Variants in TGFBR3 observed in about 807,000 individuals in gnomAD.
TGFBR3 encodes the protein transforming growth factor beta receptor 3.
Under a neutral mutation model 87.9 loss-of-function variants are expected in TGFBR3, and 46 were observed. The observed-to-expected ratio is 0.52, with a 90% CI of 0.41 to 0.67. The LOEUF (loss-of-function observed/expected upper bound fraction) is 0.67, where lower values mean the gene tolerates loss of function less well. Ranked by LOEUF, TGFBR3 falls within the 30% of genes least tolerant of loss-of-function variation. The pLI is 0.00. For synonymous variants in TGFBR3, 381 were observed against 391.6 expected (o/e 0.97, Z 0.32); for missense variants, 866 against 1,041.9 (o/e 0.83, Z 2.32).
chr1:91,700,676 A>G (rs191231298), intron 14 of TGFBR3, among the ~76,000 whole-genome samples: 22 of 152,306 alleles, frequency 1.4e-4, no homozygotes, highest in Admixed American at 1.1e-3. Context: ...CAGAACACAC[A>G]CTAATTACGC....
rs1671404577 is a variant in TGFBR3 at position 91,695,519 on chromosome 1, G to C, written c.2437+153C>G. On this transcript the variant is annotated intron_variant, in intron 16 of 16. Transcript: ENST00000212355. ...ACTGTTTATGGCAAATTATACTTTT[G>C]TGAAACCCAATTTATACCAAATATG... 6 of 741,626 alleles carry C rather than the reference G, an allele frequency of 8.1e-6. No homozygotes were observed. The South Asian group carries it at 9.5e-5, about 12-fold the overall frequency. The allele number at this position is 741,626 out of a possible 1,614,324, so 45.9% of individuals were successfully genotyped here. A position where few individuals can be genotyped will look rare whatever the true frequency, so the allele number is the denominator to read the frequency against.
In TGFBR3 at chr1:91,785,239, T is replaced by C. The variant is rs114741111; in HGVS notation, c.246+12048A>G. On this transcript the variant is annotated intron_variant, in intron 3 of 16. Transcript: ENST00000212355. ...AGAAGCTAGACACAAAAGATACATA[T>C]TGCATGATCCCATTCATATGAATGT... 1.0e-2 allele frequency among the ~76,000 whole-genome samples: 1,522 copies of C among 152,288 alleles called. 24 individuals are homozygous for C. Among genetic ancestry groups the C allele is most frequent in the African/African-American group, 0.033 (1,360 of 41,554 alleles).
At chr1:91,721,108 T>C (rs1273305625) in intron 8 of TGFBR3, among the ~76,000 whole-genome samples, 1 of 152,206 alleles carries the variant, frequency 6.6e-6, no homozygotes. Flanking sequence ...TCCATCTCAG[T>C]GGAAGCTGGA....
At chr1:91,778,249 GAGGGTTTCTTTA>G (rs1347895214) in intron 3 of TGFBR3, among the ~76,000 whole-genome samples, 1 of 151,602 alleles carries the variant, frequency 6.6e-6, no homozygotes, top group Non-Finnish European at 1.5e-5. Flanking sequence ...ACTGAATGCT[GAGGGTTTCTTTA>G]AGGATATTTT....
At chr1:91,748,722 GTATTATTATTA>G (rs1216352918) in intron 4 of TGFBR3, among the ~76,000 whole-genome samples, 3 of 148,602 alleles carry the variant, frequency 2.0e-5, no homozygotes, top group African/African-American at 5.0e-5. Flanking sequence ...ATTCTGGAAA[GTATTATTATTA>G]TTATTATTAT....
At chr1:91,818,755 C>T (rs1272506555) in intron 2 of TGFBR3, among the ~76,000 whole-genome samples, 2 of 152,184 alleles carry the variant, frequency 1.3e-5, no homozygotes, top group Admixed American at 1.3e-4. Flanking sequence ...CATCCTGCAT[C>T]ACCACACACT....
rs906414274 is a variant in TGFBR3 at position 91,680,641 on chromosome 1, C to T, written c.*3098G>A. 1.1e-5 allele frequency: 5 copies of T among 453,846 alleles called. No individual in the cohort carries two copies. The highest frequency in any genetic ancestry group is 4.0e-5 in the African/African-American group (2 of 49,940). The allele number at this position is 453,846 out of a possible 1,614,324, so 28.1% of individuals were successfully genotyped here. A position where few individuals can be genotyped will look rare whatever the true frequency, so the allele number is the denominator to read the frequency against. On this transcript the variant is annotated 3_prime_UTR_variant, in exon 17 of 17. Coordinates refer to ENST00000212355, the MANE Select transcript of TGFBR3 (RefSeq NM_003243.5). ...AAACATCTGTCAGTTTCATGAACAA[C>T]CCCCAGATAAAACAAACATGAAAAA...
At chr1:91,860,019 C>G (rs1678117804) in intron 2 of TGFBR3, among the ~76,000 whole-genome samples, 2 of 152,140 alleles carry the variant, frequency 1.3e-5, no homozygotes, top group Admixed American at 1.3e-4. Flanking sequence ...GCACACAACC[C>G]CAGATCTGAG....
chr1:91,746,634 A>G (rs1200730206), intron 4 of TGFBR3, among the ~76,000 whole-genome samples: 1 of 152,086 alleles, frequency 6.6e-6, no homozygotes, highest in African/African-American at 2.4e-5. Flanking sequence ...TTTTCTTCTA[A>G]GTTACATCCA....
chr1:91,713,067 C>T (rs1431142809), intron 12 of TGFBR3, among the ~76,000 whole-genome samples: 2 of 152,158 alleles, frequency 1.3e-5, no homozygotes, highest in East Asian at 1.9e-4. Context: ...CCTGCTTCAT[C>T]GGCGAGAAGG....
Position 91,891,621 on chromosome 1 carries a change from T to A in TGFBR3, c.-114+8016A>T, listed in dbSNP as rs1299889067. ...ATAGATTCCTTTCACTAATTTAAAGTTTGTCTAATACAGCCAACAGCTTGG... is the reference window on the plus strand; with the variant it reads ...ATAGATTCCTTTCACTAATTTAAAGATTGTCTAATACAGCCAACAGCTTGG... On this transcript the variant is annotated intron_variant, in intron 2 of 17. Transcript: ENST00000370399. Among the ~76,000 whole-genome samples the A allele has an allele frequency of 1.4e-4, 22 of 152,162 alleles. 1 individual carries two copies. The highest frequency in any genetic ancestry group is 1.4e-3 in the Admixed American group (22 of 15,272).
At position 91,695,753 on chromosome 1, in the gene TGFBR3, T is replaced by C. The variant is rs1671415645; in HGVS notation, c.2356A>G (p.Thr786Ala). 4 of 1,613,982 alleles carry C rather than the reference T, an allele frequency of 2.5e-6. No homozygotes were observed. The highest frequency in any genetic ancestry group is 3.3e-5 in the Admixed American group (2 of 59,994). The change falls in exon 16 of 17, where the codon ACC (threonine) becomes GCC (alanine). Residue 786 changes from threonine to alanine, a missense_variant. Transcript: ENST00000212355. The stretch of plus-strand genomic sequence containing the variant: ...GCTGCAAACGCAATGCCCATCACGG[T>C]TAGGGTGTCCAGACCATGGAAAATT... Reference protein sequence around the residue: ...PPIFHGLDTLTVMGIAFAAFV... With the variant: ...PPIFHGLDTLAVMGIAFAAFV...
chr1:91,783,012 A>G (rs1674831424), intron 3 of TGFBR3, among the ~76,000 whole-genome samples: 1 of 152,234 alleles, frequency 6.6e-6, no homozygotes. Flanking sequence ...AATGGATCAG[A>G]TGTGTGTACA....
At chr1:91,797,156 A>T in intron 3 of TGFBR3, 131 bp downstream of exon 3, 1 of 1,044,178 alleles carries the variant, frequency 9.6e-7, no homozygotes, top group African/African-American at 1.6e-5. Flanking sequence ...CTGGTATTTT[A>T]AATCTGTTCT....
intron 2 of TGFBR3, among the ~76,000 whole-genome samples, chr1:91,836,228 C>T (rs1349707513): frequency 6.6e-6 from 1 of 152,006 alleles, no homozygotes; most frequent in African/African-American, 2.4e-5. Context: ...GCCTGGGCAA[C>T]AAGAGCAAAA....
rs755397132 is a variant in TGFBR3 at position 91,708,759 on chromosome 1, T to G, written c.2191A>C (p.Thr731Pro). The change falls in exon 14 of 17, where the codon ACC becomes CCC. Residue 731 changes from threonine (T) to proline (P), a missense_variant. Coordinates refer to ENST00000212355, the MANE Select transcript of TGFBR3 (RefSeq NM_003243.5). ...PKCVPPDEACTSLDASIIWAM... is the reference protein window; with the variant it reads ...PKCVPPDEACPSLDASIIWAM... ...CAGATTATCGAGGCGTCCAGCGAGG[T>G]GCAGGCTTCGTCAGGAGGCACACAC... The G allele has an allele frequency of 6.2e-7, 1 of 1,613,974 alleles. No individual in the cohort carries two copies. The highest frequency in any genetic ancestry group is 1.1e-5 in the South Asian group (1 of 91,082).
intron 1 of TGFBR3, among the ~76,000 whole-genome samples, chr1:91,904,757 G>T (rs1350736396): frequency 7.2e-5 from 11 of 152,084 alleles, no homozygotes; most frequent in Admixed American, 2.6e-4. Context: ...GTAGAGACAG[G>T]GTTTTGTCAT....
rs2229500 is a variant in TGFBR3 at position 91,719,965 on chromosome 1, G to A, written c.1341C>T (p.Ser447=). The change falls in exon 9 of 17, where the codon AGC becomes AGT. Residue 447 remains serine, a synonymous_variant. Transcript: ENST00000212355. ...GLREPEEVQG[S]VDIALSVKCD... ...ATTTGACAGACAGGGCAATATCCAC[G>A]CTCCCTTGCACCTCTTCTGGCTCTC... The A allele has an allele frequency of 0.018, 29,559 of 1,614,078 alleles. 310 individuals carry two copies. Among genetic ancestry groups the A allele is most frequent in the Non-Finnish European group, 0.02 (24,151 of 1,180,016 alleles).
intron 2 of TGFBR3, among the ~76,000 whole-genome samples, chr1:91,842,803 C>A (rs1677337530): frequency 1.3e-5 from 2 of 152,112 alleles, no homozygotes; most frequent in African/African-American, 4.8e-5. Context: ...CTCATCAAAT[C>A]AAAGGAATAG....
Sources: gnomAD v4.1 joint callset for allele counts (sites outside exome capture counted in the v4.1 genomes callset) on GRCh38, gnomAD v4.1.1 for gene constraint, MANE v1.5 for transcripts, NCBI Gene and HGNC (gene_info 2026-07-23, HGNC 2026-07-21) for gene names.